The following FAM20A variants were observed in gnomAD, a reference collection of about 807,000 sequenced individuals.
FAM20A encodes the protein FAM20A golgi associated secretory pathway pseudokinase, also known as pseudokinase FAM20A.
A neutral mutation model predicts 52.0 loss-of-function variants in FAM20A; 42 were observed. The ratio of observed to expected loss-of-function variants is 0.81; its 90% confidence interval spans 0.63 to 1.04. The LOEUF is 1.04. FAM20A is among the 50% of genes least tolerant of loss of function. The pLI is 0.00. For synonymous variants in FAM20A, 304 were observed against 298.9 expected (o/e 1.02, Z -0.18); for missense variants, 742 against 712.7 (o/e 1.04, Z -0.47).
At chr17:68,548,737 T>A (rs2086689035) in intron 4 of FAM20A, among the ~76,000 whole-genome samples, 1 of 141,476 alleles carries the variant, frequency 7.1e-6, no homozygotes, top group Non-Finnish European at 1.5e-5. Context: ...TTTTTTTTTT[T>A]TTTTTTTTTT....
chr17:68,548,721 G>GTA (rs894002876), intron 4 of FAM20A, among the ~76,000 whole-genome samples: 3 of 132,956 alleles, frequency 2.3e-5, no homozygotes, highest in African/African-American at 5.9e-5. Context: ...AGCTATGCCT[G>GTA]TATATTTTTT....
intron 4 of FAM20A, among the ~76,000 whole-genome samples, chr17:68,549,274 C>G (rs987605656): frequency 5.9e-5 from 9 of 152,112 alleles, no homozygotes; most frequent in Admixed American, 5.2e-4. Context: ...ACAGGGGAAT[C>G]GCCTGAGGTC....
Position 68,552,665 on chromosome 17 carries a change from C to CT in FAM20A, c.641-715_641-714insA, listed in dbSNP as rs1568739140. Among the ~76,000 whole-genome samples the CT allele has an allele frequency of 1.0e-3, 111 of 109,988 alleles. 11 individuals are homozygous for CT. The highest frequency in any genetic ancestry group is 3.5e-3 in the African/African-American group (107 of 30,996). 72.2% of individuals were successfully genotyped at this position (109,988 alleles called of 152,430 possible). A position where few individuals can be genotyped will look rare whatever the true frequency, so the allele number is the denominator to read the frequency against. On this transcript the variant is annotated intron_variant, in intron 3 of 10. Transcript: ENST00000592554. ...CTGGAGCCCTGTAAACCTTTATTTT[C>CT]CTTTTTTTTTTTTTTTTTTTTTTTT... is the stretch of plus-strand genomic sequence containing the variant.
chr17:68,543,786 G>T, intron 4 of FAM20A, 65 bp from the exon 5 acceptor site: 1 of 1,362,948 alleles, frequency 7.3e-7, no homozygotes, highest in Non-Finnish European at 1.0e-6. Context: ...GAAGAGAGCT[G>T]ATGAGCATGA....
intron 2 of FAM20A, among the ~76,000 whole-genome samples, 153 bp from the exon 3 acceptor site, chr17:68,554,980 C>T (rs907676043): frequency 6.6e-6 from 1 of 152,154 alleles, no homozygotes; most frequent in African/African-American, 2.4e-5. Context: ...TCTCTTGGAG[C>T]CCAGGAGACT....
chr17:68,569,677 A>C (rs762448358), intron 1 of FAM20A, among the ~76,000 whole-genome samples: 1 of 152,192 alleles, frequency 6.6e-6, no homozygotes, highest in Non-Finnish European at 1.5e-5. Flanking sequence ...AGATGATAAA[A>C]CATTTTCATC....
At position 68,551,724 on chromosome 17, in the gene FAM20A, T is replaced by TATTATTA. The variant is rs34614921; in HGVS notation, c.719+148_719+149insTAATAAT. ...TTATTATTATTATTATTATTATTAT[T>TATTATTA]ATCACCCCAAACAGTTCTGTGCTTG... On this transcript the variant is annotated intron_variant, in intron 4 of 10. Coordinates refer to ENST00000592554, the MANE Select transcript of FAM20A (RefSeq NM_017565.4). 298 of 293,760 alleles carry TATTATTA rather than the reference T, an allele frequency of 1.0e-3. 2 individuals carry two copies. The highest frequency in any genetic ancestry group is 7.6e-3 in the African/African-American group (286 of 37,740). 18.2% of individuals were successfully genotyped at this position (293,760 alleles called of 1,614,324 possible). A position where few individuals can be genotyped will look rare whatever the true frequency, so the allele number is the denominator to read the frequency against.
Position 68,601,112 on chromosome 17 carries a change from A to T in FAM20A, c.-446T>A, listed in dbSNP as rs1254177417. On this transcript the variant is annotated 5_prime_UTR_variant, in exon 1 of 11. Transcript: ENST00000592554. ...TGCAAAGCCCGGGGCGTCTCTCCTG[A>T]GGATGCTGTCGCTCGGCGGCGGCTG... 2 of 151,862 alleles carry T rather than the reference A, an allele frequency of 1.3e-5. No individual in the cohort carries two copies. The highest frequency in any genetic ancestry group is 4.8e-5 in the African/African-American group (2 of 41,356). The allele number at this position is 151,862 out of a possible 1,614,324, so 9.4% of individuals were successfully genotyped here.
Position 68,537,327 on chromosome 17 carries a change from G to T in FAM20A, c.*150C>A. 1.0e-6 allele frequency: 1 copy of T among 958,732 alleles called. No individual in the cohort carries two copies. Among genetic ancestry groups the T allele is most frequent in the Non-Finnish European group, 1.6e-6 (1 of 614,578 alleles). The allele number at this position is 958,732 out of a possible 1,614,324, so 59.4% of individuals were successfully genotyped here. On this transcript the variant is annotated 3_prime_UTR_variant, in exon 11 of 11. Coordinates refer to ENST00000592554, the MANE Select transcript of FAM20A (RefSeq NM_017565.4). This position sits in a 1 kb window ranked among gnomAD's most constrained non-coding sequence, Gnocchi z 4.2. ...AAGGAGTAAAGATTCAGTTCCATGG[G>T]CCCCACTTGCTGTTTGAGAAAATGT...
intron 1 of FAM20A, among the ~76,000 whole-genome samples, chr17:68,561,304 AATTT>A (rs2087204604): frequency 6.6e-6 from 1 of 152,186 alleles, no homozygotes; most frequent in Non-Finnish European, 1.5e-5. Flanking sequence ...AGAGGTCTAG[AATTT>A]ATTTAGATAA....
In FAM20A at chr17:68,536,113, G is replaced by T. The variant is rs1417787550; in HGVS notation, c.*1364C>A. 2.2e-6 allele frequency: 1 copy of T among 454,132 alleles called. No individual in the cohort carries two copies. The allele number at this position is 454,132 out of a possible 1,614,324, so 28.1% of individuals were successfully genotyped here. A position where few individuals can be genotyped will look rare whatever the true frequency, so the allele number is the denominator to read the frequency against. ...AGTCCAGGGGCAGCATACCAGTCAT[G>T]TGGGGGTACCACGGGGTCAGAAGTG... On this transcript the variant is annotated 3_prime_UTR_variant, in exon 11 of 11. Transcript: ENST00000592554.
intron 4 of FAM20A, among the ~76,000 whole-genome samples, chr17:68,551,670 C>A (rs914191871): frequency 1.4e-5 from 2 of 147,662 alleles, no homozygotes; most frequent in African/African-American, 5.0e-5. Flanking sequence ...CTGAAAAAGA[C>A]AAGCTCTTAG....
At chr17:68,571,426 A>T (rs560239396) in intron 1 of FAM20A, among the ~76,000 whole-genome samples, 2 of 152,326 alleles carry the variant, frequency 1.3e-5, no homozygotes, top group South Asian at 4.1e-4. Context: ...ACTAGTATCA[A>T]AACTTGAGGA....
At chr17:68,577,923 A>G (rs930393677) in intron 1 of FAM20A, among the ~76,000 whole-genome samples, 11 of 152,174 alleles carry the variant, frequency 7.2e-5, no homozygotes, top group African/African-American at 2.7e-4. Context: ...TGCAATATTG[A>G]TTTATTTAAA....
At position 68,542,823 on chromosome 17, in the gene FAM20A, A is replaced by C. The variant is rs1292095605; in HGVS notation, c.813-14T>G. ...AAGTCCAGAATCCTGCAAGAGAGGA[A>C]GCTCTGTTCCATCTGAGGGATGATC... On this transcript the variant is annotated splice_polypyrimidine_tract_variant and intron_variant, in intron 5 of 10. Coordinates refer to ENST00000592554, the MANE Select transcript of FAM20A (RefSeq NM_017565.4). The C allele has an allele frequency of 6.3e-7, 1 of 1,590,612 alleles. No homozygotes were observed. Among genetic ancestry groups the C allele is most frequent in the Non-Finnish European group, 8.6e-7 (1 of 1,158,680 alleles).
At chr17:68,573,456 C>CTTCT (rs67622633) in intron 1 of FAM20A, among the ~76,000 whole-genome samples, 46 of 109,462 alleles carry the variant, frequency 4.2e-4, no homozygotes, top group Middle Eastern at 4.6e-3. Context: ...TTCTTTCTTT[C>CTTCT]TTCTTTCTTT....
At position 68,554,129 on chromosome 17, in the gene FAM20A, T is replaced by C. The variant is rs764088021; in HGVS notation, c.640+648A>G. Among the ~76,000 whole-genome samples the C allele has an allele frequency of 4.0e-3, 323 of 81,048 alleles. 1 individual carries two copies. The highest frequency in any genetic ancestry group is 0.012 in the African/African-American group (126 of 10,668). 53.2% of individuals were successfully genotyped at this position (81,048 alleles called of 152,430 possible). A position where few individuals can be genotyped will look rare whatever the true frequency, so the allele number is the denominator to read the frequency against. The stretch of plus-strand genomic sequence containing the variant: ...ATACACATATATGTATACACACACA[T>C]ATATATATATATATATTTTTAGCTG... On this transcript the variant is annotated intron_variant, in intron 3 of 10. Coordinates refer to ENST00000592554, the MANE Select transcript of FAM20A (RefSeq NM_017565.4).
At chr17:68,574,067 T>C (rs760850292) in intron 1 of FAM20A, among the ~76,000 whole-genome samples, 30 of 151,990 alleles carry the variant, frequency 2.0e-4, no homozygotes, top group Non-Finnish European at 4.1e-4. Context: ...GAACTCTCTC[T>C]AGAGTTCTTT....
At chr17:68,553,900 GCATATATA>G (rs777536922) in intron 3 of FAM20A, among the ~76,000 whole-genome samples, 109 of 125,540 alleles carry the variant, frequency 8.7e-4, no homozygotes, top group Middle Eastern at 4.4e-3. Flanking sequence ...ACACATATAT[GCATATATA>G]CATATATACA....
Sources: gnomAD v4.1 joint callset for allele counts (sites outside exome capture counted in the v4.1 genomes callset) on GRCh38, gnomAD v4.1.1 for gene constraint, Gnocchi (gnomAD v3.1) non-coding constraint, MANE v1.5 for transcripts, NCBI Gene and HGNC (gene_info 2026-07-23, HGNC 2026-07-21) for gene names.